SLC8A1: variants seen among roughly 807,000 people sequenced by gnomAD.
SLC8A1 encodes the protein sodium/calcium exchanger 1.
SLC8A1 carries 18 observed loss-of-function variants against 68.3 expected under a neutral mutation model. The observed-to-expected ratio is 0.26, with a 90% CI of 0.18 to 0.39. SLC8A1 has a LOEUF of 0.39. SLC8A1 is among the 10% of genes least tolerant of loss of function. The probability of loss-of-function intolerance (pLI) is 1.00; values close to 1 mark genes in which losing one functional copy is unlikely to be tolerated. For missense variants in SLC8A1, 985 were observed against 1,156.7 expected (o/e 0.85, Z 2.15); for synonymous variants, 475 against 415.5 (o/e 1.14, Z -1.74).
chr2:40,278,423 C>T (rs1035568284), intron 2 of SLC8A1, among the ~76,000 whole-genome samples: 6 of 152,126 alleles, frequency 3.9e-5, no homozygotes, highest in African/African-American at 7.2e-5. Context: ...GAGCCAAGAT[C>T]GCGCCACTGC....
intron 1 of SLC8A1, among the ~76,000 whole-genome samples, chr2:40,473,699 A>G (rs1024554044): frequency 6.6e-6 from 1 of 152,188 alleles, no homozygotes; most frequent in Non-Finnish European, 1.5e-5. Flanking sequence ...GGGCTTGTTT[A>G]TTACAGTATT....
At chr2:40,257,115 C>A (rs1179547859) in intron 2 of SLC8A1, among the ~76,000 whole-genome samples, 3 of 152,026 alleles carry the variant, frequency 2.0e-5, no homozygotes, top group African/African-American at 7.3e-5. Context: ...TAATTCTCAG[C>A]CTGAATCTAA....
chr2:40,297,378 A>G lies in SLC8A1; in HGVS notation c.1809-119523T>C, dbSNP rs2070593910. ...TAGTCTCCAAGAACCTGAGTTCTAAATCTGAAACAAAAATGTACTGACACA... is the reference window on the plus strand; with the variant it reads ...TAGTCTCCAAGAACCTGAGTTCTAAGTCTGAAACAAAAATGTACTGACACA... On this transcript the variant is annotated intron_variant, in intron 2 of 7. Coordinates refer to ENST00000406785, the Ensembl canonical transcript of SLC8A1. Among the ~76,000 whole-genome samples the G allele has an allele frequency of 2.0e-5, 3 of 152,178 alleles. 1 individual carries two copies. The South Asian group carries it at 6.2e-4, about 31-fold the overall frequency.
intron 1 of SLC8A1, among the ~76,000 whole-genome samples, chr2:40,450,294 C>CT (rs934452517): frequency 3.6e-4 from 55 of 151,290 alleles, no homozygotes; most frequent in African/African-American, 1.2e-3. Flanking sequence ...ATTCATTTTC[C>CT]TTTTTTTTTC....
intron 2 of SLC8A1, among the ~76,000 whole-genome samples, chr2:40,200,225 T>TAAA (rs1558722625): frequency 8.6e-5 from 1 of 11,566 alleles, no homozygotes; most frequent in Non-Finnish European, 1.5e-4. Context: ...TATATTTTTT[T>TAAA]ATATATATAT....
intron 6 of SLC8A1, among the ~76,000 whole-genome samples, chr2:40,143,751 C>G (rs1262878917): frequency 6.6e-6 from 1 of 152,120 alleles, no homozygotes; most frequent in Non-Finnish European, 1.5e-5. Context: ...GAAAGACAAC[C>G]CCCTGGGCTT....
At chr2:40,128,752 A>G (rs1024977132) in intron 7 of SLC8A1, among the ~76,000 whole-genome samples, 6 of 152,244 alleles carry the variant, frequency 3.9e-5, no homozygotes, top group African/African-American at 1.4e-4. Context: ...ATATATACAC[A>G]AAACAATGAA....
chr2:40,101,356 C>T (rs1164386980), exon 8 of SLC8A1: 1 of 152,114 alleles, frequency 6.6e-6, no homozygotes, highest in Non-Finnish European at 1.5e-5. Context: ...AAACAGTAGA[C>T]TGTGTCATTA....
chr2:40,490,656 AT>A (rs1705256898), intron 1 of SLC8A1, among the ~76,000 whole-genome samples: 2 of 152,072 alleles, frequency 1.3e-5, no homozygotes, highest in Admixed American at 1.3e-4. Context: ...GGAGTAGTGG[AT>A]TCACAACTAT....
chr2:40,331,888 C>T (rs555878565), intron 2 of SLC8A1, among the ~76,000 whole-genome samples: 24 of 152,244 alleles, frequency 1.6e-4, no homozygotes, highest in African/African-American at 4.8e-4. Context: ...CCACCGTGAC[C>T]GGCCTAGGAT....
chr2:40,208,487 G>C (rs990790645), intron 2 of SLC8A1: 20 of 152,168 alleles, frequency 1.3e-4, no homozygotes, highest in African/African-American at 4.8e-4. Flanking sequence ...AATGGAGAGA[G>C]ATTCTGGGCC....
chr2:40,240,703 C>G (rs114259815), intron 2 of SLC8A1, among the ~76,000 whole-genome samples: 3 of 152,038 alleles, frequency 2.0e-5, no homozygotes, highest in African/African-American at 7.2e-5. Context: ...CACTACATAC[C>G]AAGCACATTT....
intron 2 of SLC8A1, among the ~76,000 whole-genome samples, chr2:40,395,255 T>A (rs1576063346): frequency 6.6e-6 from 1 of 152,212 alleles, no homozygotes; most frequent in South Asian, 2.1e-4. Context: ...CTTTATCAAA[T>A]AAAAAGTCCG....
chr2:40,320,454 T>C (rs972320119), intron 2 of SLC8A1, among the ~76,000 whole-genome samples: 1 of 152,178 alleles, frequency 6.6e-6, no homozygotes, highest in Non-Finnish European at 1.5e-5. Flanking sequence ...ATGAGTTGTG[T>C]GTGTTTCATG....
chr2:40,253,831 CAAAAAAA>C (rs61434245), intron 2 of SLC8A1, among the ~76,000 whole-genome samples: 14 of 59,810 alleles, frequency 2.3e-4, no homozygotes, highest in East Asian at 5.5e-4. Flanking sequence ...TGTCTGTCTC[CAAAAAAA>C]AAAAAAAAAA....
At chr2:40,460,008 T>G (rs1213155331) in intron 1 of SLC8A1, among the ~76,000 whole-genome samples, 1 of 148,458 alleles carries the variant, frequency 6.7e-6, no homozygotes, top group Non-Finnish European at 1.5e-5. Flanking sequence ...TTTTTGTAAA[T>G]GTTATTTAAC....
intron 2 of SLC8A1, among the ~76,000 whole-genome samples, chr2:40,395,487 G>T (rs749841230): frequency 1.3e-5 from 2 of 152,042 alleles, no homozygotes; most frequent in African/African-American, 4.8e-5. Context: ...AGTCAAATCC[G>T]AAGGCTACCC....
At chr2:40,343,944 G>T (rs1387506394) in intron 2 of SLC8A1, among the ~76,000 whole-genome samples, 1 of 152,052 alleles carries the variant, frequency 6.6e-6, no homozygotes. Context: ...TCAATTGAAG[G>T]TCAAACTACA....
chr2:40,299,590 T>G (rs1168591126), intron 2 of SLC8A1, among the ~76,000 whole-genome samples: 1 of 152,160 alleles, frequency 6.6e-6, no homozygotes, highest in East Asian at 1.9e-4. Flanking sequence ...AGAGGTGATG[T>G]GCAAACATTT....
Sources: gnomAD v4.1 joint callset for allele counts (sites outside exome capture counted in the v4.1 genomes callset) on GRCh38, gnomAD v4.1.1 for gene constraint, MANE v1.5 for transcripts, NCBI Gene and HGNC (gene_info 2026-07-23, HGNC 2026-07-21) for gene names.